The following NPAS3 variants were observed in gnomAD, a reference collection of about 807,000 sequenced individuals.
NPAS3 encodes the protein neuronal PAS domain-containing protein 3.
Under a neutral mutation model 73.1 loss-of-function variants are expected in NPAS3, and 14 were observed. That is an observed-to-expected ratio of 0.19 (90% confidence interval 0.13 to 0.30). NPAS3 has a LOEUF of 0.30. Among genes scored for constraint, NPAS3 ranks in the 10% least tolerant of loss-of-function variants. The probability of loss-of-function intolerance (pLI) is 1.00; values close to 1 mark genes in which losing one functional copy is unlikely to be tolerated. For missense variants in NPAS3, 1,096 were observed against 1,250.0 expected (o/e 0.88, Z 1.86); for synonymous variants, 620 against 541.5 (o/e 1.14, Z -2.01).
At position 33,769,137 on chromosome 14, in the gene NPAS3, G is replaced by A. The variant is rs529792982; in HGVS notation, c.853-5200G>A. ...CTGAGGCTTCAGCTACTCAAAGTGG[G>A]TAAAAATGCCTTTGGCACTCTTATG... On this transcript the variant is annotated intron_variant, in intron 7 of 11. Coordinates refer to ENST00000356141, the Ensembl canonical transcript of NPAS3. 3.3e-5 allele frequency among the ~76,000 whole-genome samples: 5 copies of A among 152,212 alleles called. No homozygotes were observed. In the South Asian group the frequency reaches 1.0e-3, roughly 32 times the overall value.
chr14:33,675,569 A>G (rs1276545576), intron 5 of NPAS3, among the ~76,000 whole-genome samples: 1 of 152,230 alleles, frequency 6.6e-6, no homozygotes, highest in Non-Finnish European at 1.5e-5. Flanking sequence ...GCAGCAGAAA[A>G]AAAATATGGC....
At chr14:33,570,135 G>A (rs920500289) in intron 5 of NPAS3, among the ~76,000 whole-genome samples, 23 of 152,120 alleles carry the variant, frequency 1.5e-4, no homozygotes, top group African/African-American at 5.3e-4. Flanking sequence ...AGAGAGAGAG[G>A]CACAAAAATT....
chr14:33,160,113 C>G (rs1034276869), intron 2 of NPAS3, among the ~76,000 whole-genome samples: 3 of 152,028 alleles, frequency 2.0e-5, no homozygotes, highest in South Asian at 2.1e-4. Flanking sequence ...ATAAAACTTT[C>G]TTTTTTCAAT....
At chr14:33,209,042 G>A (rs542040651) in intron 2 of NPAS3, among the ~76,000 whole-genome samples, 4 of 152,308 alleles carry the variant, frequency 2.6e-5, no homozygotes, top group African/African-American at 9.6e-5. Flanking sequence ...TAGTTAAGCA[G>A]CAGAGTTCTT....
At chr14:33,771,132 G>A (rs151102937) in intron 7 of NPAS3, among the ~76,000 whole-genome samples, 4 of 152,236 alleles carry the variant, frequency 2.6e-5, no homozygotes, top group East Asian at 1.9e-4. Context: ...AAAATTCAGC[G>A]ATCTACATGT....
chr14:33,240,306 C>T (rs74879320), intron 3 of NPAS3, among the ~76,000 whole-genome samples: 2,042 of 151,826 alleles, frequency 0.013, 35 homozygotes, highest in African/African-American at 0.045. Context: ...TGGTTTAAAA[C>T]CAAAATAAAT....
chr14:33,323,460 C>T (rs1011637439), intron 3 of NPAS3, among the ~76,000 whole-genome samples: 3 of 152,094 alleles, frequency 2.0e-5, no homozygotes, highest in African/African-American at 7.2e-5. Context: ...CTTTTTACCT[C>T]TACTCTCTTT....
chr14:33,494,654 T>C (rs2052077823), intron 4 of NPAS3, among the ~76,000 whole-genome samples: 1 of 152,144 alleles, frequency 6.6e-6, no homozygotes, highest in Admixed American at 6.6e-5. Flanking sequence ...ATTTCTGCCA[T>C]AAAAGCTGTT....
chr14:33,590,556 C>T (rs1380979972), intron 5 of NPAS3, among the ~76,000 whole-genome samples: 1 of 152,018 alleles, frequency 6.6e-6, no homozygotes, highest in African/African-American at 2.4e-5. Flanking sequence ...CTAAGAGAGC[C>T]ACTTTTATTT....
At chr14:33,128,324 A>G (rs959955818) in intron 2 of NPAS3, among the ~76,000 whole-genome samples, 1 of 152,170 alleles carries the variant, frequency 6.6e-6, no homozygotes, top group Non-Finnish European at 1.5e-5. Flanking sequence ...CTGTGTGGAA[A>G]AATATTTTTT....
At chr14:33,080,770 G>A (rs781454866) in intron 2 of NPAS3, among the ~76,000 whole-genome samples, 7 of 152,218 alleles carry the variant, frequency 4.6e-5, no homozygotes, top group African/African-American at 1.2e-4. Context: ...ACAGGAAAGC[G>A]TGTAAGAGCT....
At chr14:33,354,934 C>T (rs2045264501) in intron 3 of NPAS3, among the ~76,000 whole-genome samples, 1 of 152,162 alleles carries the variant, frequency 6.6e-6, no homozygotes, top group Non-Finnish European at 1.5e-5. Context: ...ACAGTTCCAC[C>T]CTCTGCACCG....
chr14:33,116,100 TG>T (rs1249330356), intron 2 of NPAS3, among the ~76,000 whole-genome samples: 3 of 152,224 alleles, frequency 2.0e-5, no homozygotes, highest in African/African-American at 7.2e-5. Flanking sequence ...GTAAGCTACT[TG>T]GGTGCCTTTT....
intron 4 of NPAS3, among the ~76,000 whole-genome samples, chr14:33,372,028 G>A (rs2046112291): frequency 6.6e-6 from 1 of 152,108 alleles, no homozygotes; most frequent in Admixed American, 6.6e-5. Context: ...AATGATAAGG[G>A]CAATTTTAAA....
intron 2 of NPAS3, among the ~76,000 whole-genome samples, chr14:33,209,442 C>T (rs914463695): frequency 6.6e-6 from 1 of 152,234 alleles, no homozygotes; most frequent in East Asian, 1.9e-4. Flanking sequence ...TGGGAAGGCT[C>T]CTCATTCGGC....
chr14:33,746,171 T>TTTTATTTATTTACTTATTTA (rs2061786521), intron 7 of NPAS3, among the ~76,000 whole-genome samples: 1 of 144,360 alleles, frequency 6.9e-6, no homozygotes, highest in African/African-American at 2.6e-5. Context: ...TTTTATTTTA[T>TTTTATTTATTTACTTATTTA]TTTATTTATT....
At chr14:33,361,864 G>C (rs1440745341) in intron 3 of NPAS3, among the ~76,000 whole-genome samples, 1 of 152,020 alleles carries the variant, frequency 6.6e-6, no homozygotes, top group Non-Finnish European at 1.5e-5. Context: ...TTTGTTATCA[G>C]ATATGTGATT....
chr14:33,736,231 C>G (rs1232924821), intron 7 of NPAS3, among the ~76,000 whole-genome samples: 1 of 152,308 alleles, frequency 6.6e-6, no homozygotes, highest in South Asian at 2.1e-4. Context: ...CGGATGGTAA[C>G]AGCCAGTATC....
intron 5 of NPAS3, among the ~76,000 whole-genome samples, chr14:33,579,861 G>C (rs955483431): frequency 6.6e-6 from 1 of 152,076 alleles, no homozygotes; most frequent in Non-Finnish European, 1.5e-5. Flanking sequence ...AAATGGGAAA[G>C]TTCAAGCAGA....
Sources: allele counts gnomAD v4.1 joint callset (sites outside exome capture counted in the v4.1 genomes callset), GRCh38; gene constraint gnomAD v4.1.1; transcripts MANE v1.5; gene names NCBI Gene and HGNC (gene_info 2026-07-23, HGNC 2026-07-21).